The following PCDHAC2 variants were observed in gnomAD, a reference collection of about 807,000 sequenced individuals.
PCDHAC2 encodes protocadherin alpha subfamily C, 2.
In PCDHAC2, 24 loss-of-function variants were observed where a neutral mutation model predicts 63.3. The observed-to-expected ratio is 0.38, with a 90% CI of 0.27 to 0.53. PCDHAC2 has a LOEUF of 0.53. Among genes scored for constraint, PCDHAC2 ranks in the 20% least tolerant of loss-of-function variants. The probability of loss-of-function intolerance (pLI) is 0.81; values close to 1 mark genes in which losing one functional copy is unlikely to be tolerated. For synonymous variants in PCDHAC2, 569 were observed against 529.4 expected, an observed-to-expected ratio of 1.07 and a Z score of -1.03; for missense variants, 1,181 against 1,275.2, an observed-to-expected ratio of 0.93 and a Z score of 1.12.
At chr5:140,973,342 A>ATAGTAATT (rs1437052159) in intron 1 of PCDHAC2, among the ~76,000 whole-genome samples, 4 of 152,344 alleles carry the variant, frequency 2.6e-5, no homozygotes, top group Admixed American at 2.6e-4. Context: ...GTAAAGTGAC[A>ATAGTAATT]TAGTAGTGAA....
intron 3 of PCDHAC2, among the ~76,000 whole-genome samples, chr5:140,992,953 C>G (rs1377524442): frequency 5.9e-5 from 9 of 152,172 alleles, no homozygotes; most frequent in African/African-American, 2.2e-4. Flanking sequence ...ATTAAATCAC[C>G]CCTTATACTG....
chr5:140,972,919 C>T (rs1231455019), intron 1 of PCDHAC2, among the ~76,000 whole-genome samples: 1 of 152,078 alleles, frequency 6.6e-6, no homozygotes, highest in African/African-American at 2.4e-5. Flanking sequence ...GCCTTGGCCT[C>T]CCAAAGTGCT....
intron 1 of PCDHAC2, among the ~76,000 whole-genome samples, chr5:140,972,660 ATTTTTTTT>A (rs11350929): frequency 6.0e-5 from 7 of 117,270 alleles, no homozygotes; most frequent in African/African-American, 2.0e-4. Flanking sequence ...AAGAAACCAA[ATTTTTTTT>A]TTTTTTTTTT....
intron 3 of PCDHAC2, among the ~76,000 whole-genome samples, chr5:140,987,890 C>T (rs1554249653): frequency 1.3e-5 from 2 of 152,020 alleles, no homozygotes; most frequent in African/African-American, 4.8e-5. Flanking sequence ...TTTATGTGCC[C>T]TAGTTTTATA....
intron 1 of PCDHAC2, among the ~76,000 whole-genome samples, chr5:140,975,395 C>T (rs2096665697): frequency 6.6e-6 from 1 of 152,246 alleles, no homozygotes; most frequent in Admixed American, 6.5e-5. Flanking sequence ...AGATCCATCA[C>T]AATCACAGTC....
chr5:140,982,604 A>G, intron 3 of PCDHAC2, 41 bp downstream of exon 3: 1 of 1,607,164 alleles, frequency 6.2e-7, no homozygotes, highest in Non-Finnish European at 8.5e-7. Context: ...TGGTTTCTGG[A>G]AAGTGATCAG....
chr5:141,000,419 A>ATTTTT (rs1563652468), intron 3 of PCDHAC2, among the ~76,000 whole-genome samples: 15 of 60,994 alleles, frequency 2.5e-4, no homozygotes, highest in East Asian at 5.4e-4. Flanking sequence ...ATATATATAT[A>ATTTTT]TATTTTTTTT....
chr5:140,980,856 G>GT (rs2096908809), intron 2 of PCDHAC2, among the ~76,000 whole-genome samples: 1 of 151,886 alleles, frequency 6.6e-6, no homozygotes, highest in Admixed American at 6.6e-5. Context: ...AATCTTTTTC[G>GT]TATGTGTGCT....
chr5:141,006,282 G>A (rs2098265578), intron 3 of PCDHAC2, among the ~76,000 whole-genome samples: 1 of 151,970 alleles, frequency 6.6e-6, no homozygotes, highest in Non-Finnish European at 1.5e-5. Context: ...CACGATCTCA[G>A]CTCACTGCAA....
Position 140,967,394 on chromosome 5 carries a change from G to C in PCDHAC2, c.628G>C (p.Val210Leu), listed in dbSNP as rs1379450273. Residue 210 changes from valine to leucine, a missense_variant, in exon 1 of 4, where the codon GTG (valine) becomes CTG (leucine). By Grantham distance (32) the Val-to-Leu change is conservative. This residue lies in a region of PCDHAC2 where 968 missense variants were observed against 1,073.5 expected (regional missense o/e 0.90). Coordinates refer to ENST00000289269, the MANE Select transcript of PCDHAC2 (RefSeq NM_018899.6). ...GGAGAACAGTAAAGTGCTTGAGCTGGTGCTGCGTAAGGGCCTAGACCGGGA... is the reference window on the plus strand; with the variant it reads ...GGAGAACAGTAAAGTGCTTGAGCTGCTGCTGCGTAAGGGCCTAGACCGGGA... ...LQENSKVLEL[V>L]LRKGLDREQA... 4 of 1,609,940 alleles carry C rather than the reference G, an allele frequency of 2.5e-6. No homozygotes were observed. In the African/African-American group the frequency reaches 4.0e-5, roughly 16 times the overall value.
At chr5:140,986,694 C>T (rs556228464) in intron 3 of PCDHAC2, among the ~76,000 whole-genome samples, 1 of 152,266 alleles carries the variant, frequency 6.6e-6, no homozygotes, top group South Asian at 2.1e-4. Context: ...TTTCAAAACA[C>T]ACAGCACTGC....
intron 3 of PCDHAC2, 112 bp downstream of exon 3, chr5:140,982,675 T>A (rs782533593): frequency 1.3e-4 from 192 of 1,441,664 alleles, no homozygotes; most frequent in Middle Eastern, 9.1e-4. Flanking sequence ...ATTTTTGTTA[T>A]TCCCTTTTTT....
chr5:140,968,708 A>G lies in PCDHAC2; in HGVS notation c.1942A>G (p.Met648Val). The G allele has an allele frequency of 1.2e-6, 2 of 1,614,126 alleles. No homozygotes were observed. Among genetic ancestry groups the G allele is most frequent in the Non-Finnish European group, 1.7e-6 (2 of 1,180,026 alleles). The change falls in exon 1 of 4, where the codon ATG becomes GTG. Residue 648 changes from methionine to valine, a missense_variant. Coordinates refer to ENST00000289269, the MANE Select transcript of PCDHAC2 (RefSeq NM_018899.6). ...AGGAGAAATTAGGACTACCAGGAAG[A>G]TGGGAGATGAGAGTGGTAGCACTTT... ...HTGEIRTTRK[M>V]GDESGSTFNL...
chr5:140,989,240 C>T (rs1180879985), intron 3 of PCDHAC2, among the ~76,000 whole-genome samples: 1 of 152,152 alleles, frequency 6.6e-6, no homozygotes, highest in Non-Finnish European at 1.5e-5. Flanking sequence ...AAGTTTTAAG[C>T]CCCTTGTCAA....
intron 3 of PCDHAC2, among the ~76,000 whole-genome samples, chr5:140,995,791 T>C (rs547359105): frequency 1.3e-5 from 2 of 152,266 alleles, no homozygotes; most frequent in South Asian, 4.1e-4. Context: ...TTAAAATTTG[T>C]CTCATGTTAG....
chr5:140,982,488 G>C lies in PCDHAC2; in HGVS notation c.2638G>C (p.Glu880Gln), dbSNP rs782419098. 3 of 1,614,212 alleles carry C rather than the reference G, an allele frequency of 1.9e-6. No individual in the cohort carries two copies. Among genetic ancestry groups the C allele is most frequent in the Non-Finnish European group, 2.5e-6 (3 of 1,180,036 alleles). The change falls in exon 3 of 4, where the codon GAG becomes CAG. Residue 880 changes from glutamate to glutamine, a missense_variant. Glu to Gln is a conservative substitution (Grantham distance 29). This residue lies in a region of PCDHAC2 where 968 missense variants were observed against 1,073.5 expected (regional missense o/e 0.90). Coordinates refer to ENST00000289269, the MANE Select transcript of PCDHAC2 (RefSeq NM_018899.6). ...RAGMHSSVHLEEAGILRAGPG... is the reference protein window; with the variant it reads ...RAGMHSSVHLQEAGILRAGPG... The stretch of plus-strand genomic sequence containing the variant: ...GTGTTTATTCAGCTCTGTGCACCTA[G>C]AGGAGGCTGGCATTCTACGGGCTGG...
At chr5:140,983,621 A>G (rs1271083054) in intron 3 of PCDHAC2, among the ~76,000 whole-genome samples, 5 of 152,250 alleles carry the variant, frequency 3.3e-5, no homozygotes, top group African/African-American at 1.2e-4. Flanking sequence ...CAGAGAGATT[A>G]AGAAATGTAC....
Position 141,010,647 on chromosome 5 carries a change from GT to G in PCDHAC2, c.*714del, listed in dbSNP as rs782752760. ...CATACCTGCAAGCCAACAGTTCAGT[GT>G]TTTAACAGAGAACCACCCTGGGAAA... On this transcript the variant is annotated 3_prime_UTR_variant, in exon 4 of 4. Coordinates refer to ENST00000289269, the MANE Select transcript of PCDHAC2 (RefSeq NM_018899.6). 4.6e-5 allele frequency: 8 copies of G among 173,154 alleles called. No homozygotes were observed. Among genetic ancestry groups the G allele is most frequent in the Admixed American group, 1.2e-4 (2 of 16,978 alleles). 10.7% of individuals were successfully genotyped at this position (173,154 alleles called of 1,614,324 possible).
chr5:140,998,809 C>T (rs782698811), intron 3 of PCDHAC2, among the ~76,000 whole-genome samples: 14 of 152,212 alleles, frequency 9.2e-5, no homozygotes, highest in Non-Finnish European at 1.9e-4. Context: ...GGTGATCTGC[C>T]TGCCTTGGCC....
Sources: gnomAD v4.1 joint callset for allele counts (sites outside exome capture counted in the v4.1 genomes callset) on GRCh38, gnomAD v4.1.1 for gene constraint, gnomAD v4.1.1 regional missense constraint, MANE v1.5 for transcripts, NCBI Gene and HGNC (gene_info 2026-07-23, HGNC 2026-07-21) for gene names.